LMBRD1: variants seen among roughly 807,000 people sequenced by gnomAD.
LMBRD1 encodes LMBR1 domain containing 1.
LMBRD1 carries 64 observed loss-of-function variants against 74.8 expected under a neutral mutation model. That is an observed-to-expected ratio of 0.86 (90% CI 0.70 to 1.05). The LOEUF (loss-of-function observed/expected upper bound fraction) is 1.05. Among genes scored for constraint, LMBRD1 ranks in the 50% least tolerant of loss-of-function variants. The probability of loss-of-function intolerance (pLI) is 0.00; values close to 1 mark genes in which losing one functional copy is unlikely to be tolerated. For synonymous variants in LMBRD1, 204 were observed against 216.3 expected, an observed-to-expected ratio of 0.94 and a Z score of 0.50; for missense variants, 652 against 645.9, an observed-to-expected ratio of 1.01 and a Z score of -0.10.
At position 69,719,051 on chromosome 6, in the gene LMBRD1, G is replaced by A. The variant is rs1766556192; in HGVS notation, c.667C>T (p.Leu223=). 2 of 1,612,684 alleles carry A rather than the reference G, an allele frequency of 1.2e-6. No homozygotes were observed. The highest frequency in any genetic ancestry group is 1.7e-5 in the Admixed American group (1 of 59,914). ...GCAGCGCTTCTAGTGCCTTTTATCA[G>A]ATTTAAAGGTAACGCAGACATGCCA... ...AYGMSALPLN[L]IKGTRSAAYE... is the part of the protein sequence containing the mutation. The change falls in exon 8 of 16, where the codon CTG becomes TTG. Residue 223 remains leucine, a synonymous_variant. Coordinates refer to ENST00000649934, the MANE Select transcript of LMBRD1 (RefSeq NM_018368.4).
chr6:69,697,599 A>G lies in LMBRD1; in HGVS notation c.1381T>C (p.Ser461Pro). The change falls in exon 14 of 16, where the codon TCT becomes CCT. Residue 461 changes from serine to proline, a missense_variant. By Grantham distance (74) the Ser-to-Pro change is moderately conservative (BLOSUM62 -1). Transcript: ENST00000649934. ...SDNHKGNSTL[S>P]VPKRCDADAP... is the part of the protein sequence containing the mutation. ...TCTGCATCACATCTCTTTGGCACAG[A>G]AAGGGTTGAATTGCCTTTATGATTA... 3 of 1,607,464 alleles carry G rather than the reference A, an allele frequency of 1.9e-6. No homozygotes were observed. Among genetic ancestry groups the G allele is most frequent in the Non-Finnish European group, 2.6e-6 (3 of 1,174,676 alleles).
chr6:69,703,798 G>T (rs117836582), intron 9 of LMBRD1, among the ~76,000 whole-genome samples: 832 of 152,056 alleles, frequency 5.5e-3, no homozygotes, highest in Middle Eastern at 0.014. Flanking sequence ...ACAATACAAA[G>T]AATTCCACTA....
chr6:69,704,988 G>A (rs1266297384), intron 9 of LMBRD1, among the ~76,000 whole-genome samples: 1 of 149,650 alleles, frequency 6.7e-6, no homozygotes, highest in Non-Finnish European at 1.5e-5. Context: ...AAAATACTGA[G>A]TTTTATTTCA....
chr6:69,706,520 C>T (rs892561429), intron 9 of LMBRD1, among the ~76,000 whole-genome samples: 3 of 152,104 alleles, frequency 2.0e-5, no homozygotes, highest in Non-Finnish European at 4.4e-5. Context: ...ATTAATAATA[C>T]GATCAACTTT....
intron 1 of LMBRD1, 152 bp from the exon 2 acceptor site, chr6:69,790,624 C>A: frequency 1.4e-6 from 1 of 717,448 alleles, no homozygotes; most frequent in South Asian, 1.6e-5. Flanking sequence ...AAAACTTGTC[C>A]AAGATGTATA....
chr6:69,757,168 A>G (rs1765284618), intron 3 of LMBRD1, among the ~76,000 whole-genome samples: 1 of 152,226 alleles, frequency 6.6e-6, no homozygotes, highest in Non-Finnish European at 1.5e-5. Context: ...GATGAATCTC[A>G]TAGACCTTGT....
rs762181370 is a variant in LMBRD1, at chr6:69,749,331, C to G, written c.473+10G>C. The G allele has an allele frequency of 1.9e-5, 29 of 1,560,602 alleles. No individual in the cohort carries two copies. The highest frequency in any genetic ancestry group is 2.4e-5 in the Non-Finnish European group (27 of 1,148,524). ...ATTTCATGGTTTAAAAAAAAAAAATCAAGACTTACCCAACTAAAAGAAGCA... is the reference window on the plus strand; with the variant it reads ...ATTTCATGGTTTAAAAAAAAAAAATGAAGACTTACCCAACTAAAAGAAGCA... On this transcript the variant is annotated intron_variant, in intron 5 of 15. Transcript: ENST00000649934.
At chr6:69,705,672 T>C (rs1042103951) in intron 9 of LMBRD1, 2 of 884,338 alleles carry the variant, frequency 2.3e-6, no homozygotes, top group Non-Finnish European at 3.7e-6. Flanking sequence ...ATCATCATCA[T>C]CATCTTCATC....
chr6:69,746,785 C>T (rs1034652162), intron 5 of LMBRD1: 1 of 169,896 alleles, frequency 5.9e-6, no homozygotes, highest in Admixed American at 5.8e-5. Flanking sequence ...TTTTCTGATA[C>T]GACAATGAAT....
intron 1 of LMBRD1, among the ~76,000 whole-genome samples, chr6:69,792,452 T>C (rs1766107655): frequency 6.6e-6 from 1 of 152,220 alleles, no homozygotes. Flanking sequence ...TTTGGCACAG[T>C]GCATTTAAAA....
At chr6:69,781,048 G>C (rs902814077) in intron 2 of LMBRD1, among the ~76,000 whole-genome samples, 3 of 152,134 alleles carry the variant, frequency 2.0e-5, no homozygotes, top group Admixed American at 6.6e-5. Context: ...TTTGTCCTAA[G>C]GGCAATGGAA....
In LMBRD1 at chr6:69,676,061, T is replaced by A. The variant is rs1765536615; in HGVS notation, c.*97A>T. 8 of 928,356 alleles carry A rather than the reference T, an allele frequency of 8.6e-6. No homozygotes were observed. Among genetic ancestry groups the A allele is most frequent in the Admixed American group, 1.9e-5 (1 of 51,354 alleles). 57.5% of individuals were successfully genotyped at this position (928,356 alleles called of 1,614,324 possible). A position where few individuals can be genotyped will look rare whatever the true frequency, so the allele number is the denominator to read the frequency against. On this transcript the variant is annotated 3_prime_UTR_variant, in exon 16 of 16. Transcript: ENST00000649934. Reference sequence around the variant, plus strand: ...CTTATAGCCATGCTCCCATTTTTGATGAAAGCTAGTTAGCAAATCCTAATG... The same window carrying A: ...CTTATAGCCATGCTCCCATTTTTGAAGAAAGCTAGTTAGCAAATCCTAATG...
chr6:69,758,070 T>A (rs1765304205), intron 3 of LMBRD1, among the ~76,000 whole-genome samples: 1 of 152,160 alleles, frequency 6.6e-6, no homozygotes, highest in South Asian at 2.1e-4. Flanking sequence ...ACATAGTAAT[T>A]CCTAAGATGT....
chr6:69,775,013 G>A (rs1460248549), intron 3 of LMBRD1, among the ~76,000 whole-genome samples: 19 of 101,270 alleles, frequency 1.9e-4, no homozygotes, highest in East Asian at 3.0e-4. Flanking sequence ...GAGGGAGGGA[G>A]GGAGGGAGGG....
At chr6:69,700,949 C>A in intron 11 of LMBRD1, 80 bp from the exon 12 acceptor site, 1 of 933,114 alleles carries the variant, frequency 1.1e-6, no homozygotes, top group East Asian at 3.1e-5. Context: ...CTAAAAACTT[C>A]ATTATTCTCA....
intron 2 of LMBRD1, among the ~76,000 whole-genome samples, chr6:69,784,821 C>T (rs748802288): frequency 7.9e-5 from 12 of 151,838 alleles, no homozygotes; most frequent in Non-Finnish European, 1.8e-4. Flanking sequence ...CCTGCAATAC[C>T]TTCTCTCCCC....
At chr6:69,752,203 G>C (rs1452741599) in intron 4 of LMBRD1, 56 bp downstream of exon 4, 2 of 1,534,664 alleles carry the variant, frequency 1.3e-6, no homozygotes, top group East Asian at 4.6e-5. Context: ...CTCTGAAAAA[G>C]CAGGTAATAT....
At chr6:69,733,555 T>A (rs1018974907) in intron 7 of LMBRD1, among the ~76,000 whole-genome samples, 4 of 152,160 alleles carry the variant, frequency 2.6e-5, no homozygotes. Context: ...TCAACATTCA[T>A]GACCAGAGCT....
rs185080796 is a variant in LMBRD1 at position 69,695,147 on chromosome 6, T to C, written c.1417+2416A>G. ...GATATTAATACCATATTGCGCAGAA[T>C]TGGATGATACTGGTCTATCATTCAT... On this transcript the variant is annotated intron_variant, in intron 14 of 15. Coordinates refer to ENST00000649934, the MANE Select transcript of LMBRD1 (RefSeq NM_018368.4). Among the ~76,000 whole-genome samples the C allele has an allele frequency of 1.5e-4, 22 of 151,648 alleles. No homozygotes were observed. The East Asian group carries it at 4.3e-3, about 30-fold the overall frequency.
Sources: allele counts gnomAD v4.1 joint callset (sites outside exome capture counted in the v4.1 genomes callset), GRCh38; gene constraint gnomAD v4.1.1; transcripts MANE v1.5; gene names NCBI Gene and HGNC (gene_info 2026-07-23, HGNC 2026-07-21).